LAMA3: variants seen among roughly 807,000 people sequenced by gnomAD.
LAMA3 encodes the protein laminin subunit alpha-3.
LAMA3 carries 281 observed loss-of-function variants against 402.0 expected under a neutral mutation model. The observed-to-expected ratio is 0.70, with a 90% CI of 0.63 to 0.77. LAMA3 has a LOEUF of 0.77. LAMA3 is among the 30% of genes least tolerant of loss of function. The pLI is 0.00. For missense variants in LAMA3, 3,840 were observed against 4,215.5 expected, an observed-to-expected ratio of 0.91 and a Z score of 2.47; for synonymous variants, 1,431 against 1,558.4, an observed-to-expected ratio of 0.92 and a Z score of 1.93.
intron 62 of LAMA3, 51 bp downstream of exon 62, chr18:23,921,636 A>T (rs2081843343): frequency 6.3e-7 from 1 of 1,594,120 alleles, no homozygotes. Flanking sequence ...AGTGGTTATG[A>T]TTGTGACCAA....
At chr18:23,726,719 G>A (rs987823260) in intron 2 of LAMA3, among the ~76,000 whole-genome samples, 7 of 152,172 alleles carry the variant, frequency 4.6e-5, no homozygotes, top group Admixed American at 3.9e-4. Flanking sequence ...TCAGGTTCAA[G>A]CGATTCCCGT....
Position 23,939,257 on chromosome 18 carries a change from G to C in LAMA3, c.8897G>C (p.Ser2966Thr). 6.2e-7 allele frequency: 1 copy of C among 1,614,226 alleles called. No homozygotes were observed. Among genetic ancestry groups the C allele is most frequent in the Non-Finnish European group, 8.5e-7 (1 of 1,180,042 alleles). The change falls in exon 68 of 75, where the codon AGC becomes ACC. Residue 2966 changes from serine (S) to threonine (T), a missense_variant. Around this residue, in one of 3 missense-constraint regions of LAMA3, gnomAD observed 840 missense variants for 981.9 expected, o/e 0.86. Transcript: ENST00000313654. ...GACACACCAGTGGCCTCCCCAAGGA[G>C]CGTGAAGGTGTGGCAAGATGCTTGC... Reference protein sequence around the residue: ...LQDTPVASPRSVKVWQDACSP... With the variant: ...LQDTPVASPRTVKVWQDACSP...
chr18:23,810,249 C>A, intron 12 of LAMA3, 117 bp from the exon 13 acceptor site: 2 of 1,206,612 alleles, frequency 1.7e-6, no homozygotes, highest in Non-Finnish European at 2.5e-6. Flanking sequence ...AGAAGTGGAG[C>A]TGGAATTTGT....
intron 8 of LAMA3, among the ~76,000 whole-genome samples, chr18:23,764,327 C>G (rs2062032816): frequency 6.6e-6 from 1 of 152,084 alleles, no homozygotes; most frequent in African/African-American, 2.4e-5. Context: ...TTACAAATCA[C>G]AAGGTTTTAT....
chr18:23,940,795 T>C (rs918516381), intron 68 of LAMA3, among the ~76,000 whole-genome samples: 1 of 152,002 alleles, frequency 6.6e-6, no homozygotes, highest in African/African-American at 2.4e-5. Flanking sequence ...AAAACTGTGC[T>C]AGTAGAAGCT....
In LAMA3 at chr18:23,884,848, T is replaced by C; in HGVS notation, c.5298T>C (p.Cys1766=). 6.2e-7 allele frequency: 1 copy of C among 1,609,378 alleles called. No individual in the cohort carries two copies. Among genetic ancestry groups the C allele is most frequent in the Non-Finnish European group, 8.5e-7 (1 of 1,177,504 alleles). The part of the protein sequence containing the change: ...SCKAGYTGTQ[C]ERCAPGYFGN... ...AAGCTGGGTACACAGGAACACAGTG[T>C]GAAAGGTAAGGTGGGCGCCCCTCCC... Residue 1766 remains cysteine (C), a synonymous_variant, in exon 41 of 75, where the codon TGT becomes TGC. Transcript: ENST00000313654.
In LAMA3 at chr18:23,921,447, T is replaced by A; in HGVS notation, c.8044-5T>A. The stretch of plus-strand genomic sequence containing the variant: ...GCTTGCTGATTCATCTCTCATTTAT[T>A]TCAGATTCAGATCAAAATTGGAAAA... On this transcript the variant is annotated splice_region_variant and splice_polypyrimidine_tract_variant and intron_variant, in intron 61 of 74. Coordinates refer to ENST00000313654, the MANE Select transcript of LAMA3 (RefSeq NM_198129.4). 6.2e-7 allele frequency: 1 copy of A among 1,612,538 alleles called. No individual in the cohort carries two copies. Among genetic ancestry groups the A allele is most frequent in the Middle Eastern group, 1.7e-4 (1 of 6,060 alleles).
chr18:23,910,677 G>A (rs2081397719), intron 55 of LAMA3, among the ~76,000 whole-genome samples: 1 of 152,120 alleles, frequency 6.6e-6, no homozygotes, highest in Non-Finnish European at 1.5e-5. Flanking sequence ...AATGTTCATT[G>A]CAACATAGTT....
chr18:23,852,678 T>C (rs556976143), intron 32 of LAMA3, among the ~76,000 whole-genome samples: 2 of 152,338 alleles, frequency 1.3e-5, no homozygotes, highest in African/African-American at 4.8e-5. Context: ...GGGAACACCA[T>C]TTCCATGACA....
intron 30 of LAMA3, 28 bp downstream of exon 30, chr18:23,845,152 G>A (rs77789428): frequency 1.5e-4 from 189 of 1,283,308 alleles, no homozygotes; most frequent in Non-Finnish European, 2.0e-4. Context: ...GGAAGGCTCT[G>A]GAATGCAGAG....
At position 23,903,097 on chromosome 18, in the gene LAMA3, C is replaced by A. The variant is rs763137413; in HGVS notation, c.6290C>A (p.Ala2097Glu). ...ADSSLLQTNI[A>E]LQLMEKSQKE... Reference sequence around the variant, plus strand: ...TCATCTTTGTTGCAAACCAACATTGCGCTGCAGCTGATGGAGAAAAGCCAG... The same window carrying A: ...TCATCTTTGTTGCAAACCAACATTGAGCTGCAGCTGATGGAGAAAAGCCAG... Residue 2097 changes from alanine (A) to glutamate (E), a missense_variant, in exon 49 of 75, where the codon GCG becomes GAG. By Grantham distance (107) the Ala-to-Glu change is moderately radical (BLOSUM62 -1). This residue lies in a region of LAMA3 where 891 missense variants were observed against 857.5 expected (regional missense o/e 1.04). Transcript: ENST00000313654. 5 of 1,609,908 alleles carry A rather than the reference C, an allele frequency of 3.1e-6. No individual in the cohort carries two copies. The South Asian group carries it at 3.3e-5, about 11-fold the overall frequency.
At chr18:23,951,598 G>T in intron 72 of LAMA3, 86 bp from the exon 73 acceptor site, 2 of 1,016,950 alleles carry the variant, frequency 2.0e-6, no homozygotes, top group Non-Finnish European at 1.5e-6. Context: ...CTGTCAGTTG[G>T]CCCGGTTTGG....
intron 13 of LAMA3, 122 bp from the exon 14 acceptor site, chr18:23,812,935 T>A (rs1486281373): frequency 1.4e-6 from 1 of 712,458 alleles, no homozygotes; most frequent in Admixed American, 2.1e-5. Flanking sequence ...TTGCCACACA[T>A]CTATCGAAAA....
At chr18:23,845,252 G>T (rs1459795342) in intron 30 of LAMA3, 128 bp downstream of exon 30, 5 of 695,480 alleles carry the variant, frequency 7.2e-6, no homozygotes, top group African/African-American at 1.8e-5. Context: ...GAGAGTGTCA[G>T]TGAGTCCCAG....
chr18:23,810,584 C>A, intron 13 of LAMA3, 81 bp downstream of exon 13: 1 of 1,501,976 alleles, frequency 6.7e-7, no homozygotes, highest in Non-Finnish European at 9.3e-7. Flanking sequence ...GCCTGCAAAT[C>A]CCCCACAGAC....
rs1555743454 is a variant in LAMA3, at chr18:23,928,237, G to A, written c.8292G>A (p.Trp2764Ter). 2 of 1,589,878 alleles carry A rather than the reference G, an allele frequency of 1.3e-6. No individual in the cohort carries two copies. Among genetic ancestry groups the A allele is most frequent in the Non-Finnish European group, 1.7e-6 (2 of 1,158,016 alleles). Reference protein sequence around the residue: ...VGVTKKCSEDWKLVRSASFSR... With the variant: ...VGVTKKCSED ...TAACCAAAAAGTGCTCGGAAGACTG[G>A]AAGGTAAGTGAAAGTTCAGAACCTC... is the stretch of plus-strand genomic sequence containing the variant. The change falls in exon 63 of 75, where the codon TGG becomes TGA. Residue 2764 changes from tryptophan (W) to a stop codon, truncating the protein, a stop_gained. Coordinates refer to ENST00000313654, the MANE Select transcript of LAMA3 (RefSeq NM_198129.4). LOFTEE classifies it high-confidence loss of function.
chr18:23,722,653 G>A (rs1426516284), intron 2 of LAMA3, among the ~76,000 whole-genome samples: 1 of 152,168 alleles, frequency 6.6e-6, no homozygotes, highest in Non-Finnish European at 1.5e-5. Context: ...AAAACACTCA[G>A]TAGGCTGTAG....
At chr18:23,704,857 T>G (rs1248103256) in intron 1 of LAMA3, among the ~76,000 whole-genome samples, 1 of 73,736 alleles carries the variant, frequency 1.4e-5, no homozygotes, top group Non-Finnish European at 4.0e-5. Flanking sequence ...TAAAGGCTTT[T>G]TAGTTAAGAA....
chr18:23,821,528 A>G (rs1444530515), intron 19 of LAMA3, among the ~76,000 whole-genome samples: 3 of 152,234 alleles, frequency 2.0e-5, no homozygotes, highest in Non-Finnish European at 4.4e-5. Context: ...CCACAGCCCA[A>G]TCTGGACATG....
Sources: gnomAD v4.1 joint callset for allele counts (sites outside exome capture counted in the v4.1 genomes callset) on GRCh38, gnomAD v4.1.1 for gene constraint, gnomAD v4.1.1 regional missense constraint, MANE v1.5 for transcripts, NCBI Gene and HGNC (gene_info 2026-07-23, HGNC 2026-07-21) for gene names.